Variants in SPOCK3 observed in about 807,000 individuals in gnomAD.
SPOCK3 encodes SPARC (osteonectin), cwcv and kazal like domains proteoglycan 3, also known as testican-3.
In SPOCK3, 30 loss-of-function variants were observed where a neutral mutation model predicts 56.6. The observed-to-expected ratio is 0.53, with a 90% confidence interval of 0.40 to 0.72. The LOEUF (loss-of-function observed/expected upper bound fraction) is 0.72, where lower values mean the gene tolerates loss of function less well. Among genes scored for constraint, SPOCK3 ranks in the 30% least tolerant of loss-of-function variants. The pLI, the probability that SPOCK3 is intolerant of heterozygous loss-of-function variation, is 0.00. For synonymous variants in SPOCK3, 196 were observed against 183.3 expected, an observed-to-expected ratio of 1.07 and a Z score of -0.56; for missense variants, 527 against 530.0, an observed-to-expected ratio of 0.99 and a Z score of 0.06.
intron 4 of SPOCK3, among the ~76,000 whole-genome samples, chr4:166,994,219 C>T (rs1001307610): frequency 9.9e-5 from 15 of 152,082 alleles, no homozygotes; most frequent in African/African-American, 3.6e-4. Flanking sequence ...AATAGCTAAC[C>T]CTATCATAAT....
At chr4:167,211,904 C>T (rs1460600976) in intron 2 of SPOCK3, among the ~76,000 whole-genome samples, 1 of 152,144 alleles carries the variant, frequency 6.6e-6, no homozygotes, top group Non-Finnish European at 1.5e-5. Context: ...CTGAGCTATG[C>T]AGATATAAAA....
chr4:166,814,184 A>C (rs1432949655), intron 6 of SPOCK3, among the ~76,000 whole-genome samples: 1 of 152,086 alleles, frequency 6.6e-6, no homozygotes, highest in African/African-American at 2.4e-5. Flanking sequence ...ATTTTGTGAA[A>C]GTTTCAGTGA....
chr4:167,085,411 A>G (rs1418873728), intron 2 of SPOCK3, among the ~76,000 whole-genome samples: 1 of 151,962 alleles, frequency 6.6e-6, no homozygotes, highest in Non-Finnish European at 1.5e-5. Flanking sequence ...TTATTCCAGG[A>G]CCTCTGTCTC....
chr4:167,130,944 T>C (rs569059178), intron 2 of SPOCK3, among the ~76,000 whole-genome samples: 1 of 152,300 alleles, frequency 6.6e-6, no homozygotes, highest in Admixed American at 6.5e-5. Context: ...ATGTCATTCA[T>C]ATCTATTTTT....
At chr4:166,995,044 A>G (rs1748203833) in intron 4 of SPOCK3, among the ~76,000 whole-genome samples, 1 of 152,162 alleles carries the variant, frequency 6.6e-6, no homozygotes, top group Non-Finnish European at 1.5e-5. Context: ...TATAAGTAAC[A>G]TAAGACAATA....
At chr4:167,167,814 G>T (rs1730122473) in intron 2 of SPOCK3, among the ~76,000 whole-genome samples, 1 of 152,044 alleles carries the variant, frequency 6.6e-6, no homozygotes, top group Admixed American at 6.6e-5. Context: ...GTTCATATCG[G>T]TACCTTTAAC....
chr4:167,083,811 A>G (rs987255405), intron 2 of SPOCK3, among the ~76,000 whole-genome samples: 5 of 152,138 alleles, frequency 3.3e-5, no homozygotes, highest in Non-Finnish European at 7.4e-5. Context: ...CAGTTATAAC[A>G]CTGAAGTCTT....
intron 4 of SPOCK3, among the ~76,000 whole-genome samples, chr4:166,960,793 C>A (rs1744050471): frequency 2.0e-5 from 3 of 152,138 alleles, no homozygotes; most frequent in Admixed American, 1.3e-4. Flanking sequence ...TGGCAGTGGA[C>A]AGGCACAGGA....
chr4:166,868,880 A>G (rs1560952426), intron 6 of SPOCK3, among the ~76,000 whole-genome samples: 1 of 152,056 alleles, frequency 6.6e-6, no homozygotes, highest in East Asian at 1.9e-4. Flanking sequence ...TTTTTTTTCT[A>G]TGCTATGATG....
In SPOCK3 at chr4:166,836,488, G is replaced by A. The variant is rs535378969; in HGVS notation, c.590-44199C>T. On this transcript the variant is annotated intron_variant, in intron 6 of 10. Transcript: ENST00000357545. ...TTTGTAGGGGTTGAGAGGAAATTTTGTTGTTGCTTTATTTTAGTTGAATCT... is the reference window on the plus strand; with the variant it reads ...TTTGTAGGGGTTGAGAGGAAATTTTATTGTTGCTTTATTTTAGTTGAATCT... 3.3e-5 allele frequency among the ~76,000 whole-genome samples: 5 copies of A among 152,152 alleles called. No individual in the cohort carries two copies. The East Asian group carries it at 9.6e-4, about 29-fold the overall frequency.
chr4:166,892,855 C>G (rs1168738359), intron 5 of SPOCK3, among the ~76,000 whole-genome samples: 2 of 151,928 alleles, frequency 1.3e-5, no homozygotes, highest in Non-Finnish European at 2.9e-5. Context: ...AAAATATGAT[C>G]ATATTATTGG....
chr4:167,102,232 T>C (rs570663114), intron 2 of SPOCK3, among the ~76,000 whole-genome samples: 1 of 152,146 alleles, frequency 6.6e-6, no homozygotes, highest in South Asian at 2.1e-4. Flanking sequence ...TGGAATGACC[T>C]CATAATAAAG....
intron 2 of SPOCK3, among the ~76,000 whole-genome samples, chr4:167,111,866 T>G (rs1760931046): frequency 6.6e-6 from 1 of 151,978 alleles, no homozygotes; most frequent in African/African-American, 2.4e-5. Context: ...CAGGTGATTC[T>G]CTCACCTCAG....
At chr4:167,160,381 G>C (rs1381741106) in intron 2 of SPOCK3, among the ~76,000 whole-genome samples, 1 of 151,926 alleles carries the variant, frequency 6.6e-6, no homozygotes, top group Admixed American at 6.6e-5. Flanking sequence ...ACTGCTCAAT[G>C]AAATAAAAGA....
chr4:166,763,096 A>G (rs973612556), intron 7 of SPOCK3, among the ~76,000 whole-genome samples: 15 of 151,998 alleles, frequency 9.9e-5, no homozygotes, highest in African/African-American at 3.6e-4. Context: ...AAACTAAAGC[A>G]TACCATAAAC....
At chr4:167,121,272 T>C (rs1761842931) in intron 2 of SPOCK3, among the ~76,000 whole-genome samples, 1 of 152,020 alleles carries the variant, frequency 6.6e-6, no homozygotes, top group African/African-American at 2.4e-5. Context: ...ATTCTTTTCT[T>C]GGACATGGCT....
chr4:166,805,959 T>C (rs1214507546), intron 6 of SPOCK3, among the ~76,000 whole-genome samples: 1 of 152,108 alleles, frequency 6.6e-6, no homozygotes, highest in African/African-American at 2.4e-5. Context: ...TCAAGTGTAG[T>C]TGCTGTTTGC....
intron 2 of SPOCK3, among the ~76,000 whole-genome samples, chr4:167,082,209 AT>A (rs1643329913): frequency 6.6e-6 from 1 of 152,146 alleles, no homozygotes; most frequent in African/African-American, 2.4e-5. Flanking sequence ...ATCAATATTC[AT>A]GTCATAGAAA....
At chr4:166,923,451 G>C (rs1480088924) in intron 4 of SPOCK3, among the ~76,000 whole-genome samples, 1 of 152,192 alleles carries the variant, frequency 6.6e-6, no homozygotes, top group African/African-American at 2.4e-5. Context: ...ACTCAGAAAA[G>C]AGAGATTCTA....
Sources: allele counts gnomAD v4.1 joint callset (sites outside exome capture counted in the v4.1 genomes callset), GRCh38; gene constraint gnomAD v4.1.1; transcripts MANE v1.5; gene names NCBI Gene and HGNC (gene_info 2026-07-23, HGNC 2026-07-21).